Variants in RASSF2 observed in about 807,000 individuals in gnomAD.
RASSF2 encodes ras association domain-containing protein 2.
RASSF2 carries 34 observed loss-of-function variants against 46.3 expected under a neutral mutation model. The ratio of observed to expected loss-of-function variants is 0.73; its 90% CI spans 0.56 to 0.98. RASSF2 has a LOEUF of 0.98. RASSF2 is among the 50% of genes least tolerant of loss of function. RASSF2 has a pLI of 0.00. For synonymous variants in RASSF2, 158 were observed against 162.5 expected, an observed-to-expected ratio of 0.97 and a Z score of 0.21; for missense variants, 364 against 431.2, an observed-to-expected ratio of 0.84 and a Z score of 1.38.
intron 6 of RASSF2, among the ~76,000 whole-genome samples, chr20:4,791,734 C>A (rs566783452): frequency 6.6e-6 from 1 of 152,336 alleles, no homozygotes; most frequent in African/African-American, 2.4e-5. Context: ...AGGCCGCCGA[C>A]TGCAAACTCG....
intron 2 of RASSF2, among the ~76,000 whole-genome samples, chr20:4,811,343 C>T (rs929651054): frequency 3.7e-5 from 5 of 133,668 alleles, no homozygotes; most frequent in African/African-American, 1.3e-4. Context: ...GGAGTGAATC[C>T]CCTTCTTTAA....
At chr20:4,813,746 T>C (rs1928046581) in intron 2 of RASSF2, among the ~76,000 whole-genome samples, 1 of 151,890 alleles carries the variant, frequency 6.6e-6, no homozygotes, top group African/African-American at 2.4e-5. Context: ...GGTGTGAGCA[T>C]AGCTCCCGGT....
intron 2 of RASSF2, among the ~76,000 whole-genome samples, chr20:4,819,854 G>T (rs114319360): frequency 1.3e-5 from 2 of 152,112 alleles, no homozygotes; most frequent in African/African-American, 4.8e-5. Flanking sequence ...AACAGGAAAG[G>T]GCCTTGGAAG....
rs1431705250 is a variant in RASSF2 at position 4,780,319 on chromosome 20, G to A, written c.*3954C>T. The A allele has an allele frequency of 2.6e-5, 4 of 152,172 alleles. No individual in the cohort carries two copies. Among genetic ancestry groups the A allele is most frequent in the Non-Finnish European group, 4.4e-5 (3 of 68,030 alleles). The allele number at this position is 152,172 out of a possible 1,614,324, so 9.4% of individuals were successfully genotyped here. A position where few individuals can be genotyped will look rare whatever the true frequency, so the allele number is the denominator to read the frequency against. ...CTGGAAACAGGTCTGCGATCTGCAG[G>A]GAAGACTCCAAAGGTAAACTGAGGG... On this transcript the variant is annotated 3_prime_UTR_variant, in exon 12 of 12. Coordinates refer to ENST00000379400, the MANE Select transcript of RASSF2 (RefSeq NM_014737.3).
Position 4,795,978 on chromosome 20 carries a change from G to A in RASSF2, c.136-12C>T. On this transcript the variant is annotated splice_polypyrimidine_tract_variant and intron_variant, in intron 4 of 11. Transcript: ENST00000379400. This position sits in a 1 kb window ranked among gnomAD's most constrained non-coding sequence, Gnocchi z 4.0. Reference sequence around the variant, plus strand: ...AACTCGTCTTCTTCCTGCCCACAAAGCAATCAGAGTAGTGAGCCTAGAAAA... The same window carrying A: ...AACTCGTCTTCTTCCTGCCCACAAAACAATCAGAGTAGTGAGCCTAGAAAA... 1.3e-6 allele frequency: 2 copies of A among 1,506,784 alleles called. No individual in the cohort carries two copies. Among genetic ancestry groups the A allele is most frequent in the Non-Finnish European group, 1.8e-6 (2 of 1,121,658 alleles). The allele number at this position is 1,506,784 out of a possible 1,614,324, so 93.3% of individuals were successfully genotyped here. A position where few individuals can be genotyped will look rare whatever the true frequency, so the allele number is the denominator to read the frequency against.
intron 11 of RASSF2, 138 bp from the exon 12 acceptor site, chr20:4,784,480 C>G (rs1452601848): frequency 1.0e-5 from 7 of 684,006 alleles, no homozygotes; most frequent in Non-Finnish European, 1.8e-5. Flanking sequence ...GCTTCCATTA[C>G]TGACCCCTCT....
In RASSF2 at chr20:4,787,845, T is replaced by G. The variant is rs2122435123; in HGVS notation, c.692-91A>C. 6.0e-6 allele frequency: 9 copies of G among 1,511,634 alleles called. No homozygotes were observed. The South Asian group carries it at 9.1e-5, about 15-fold the overall frequency. The allele number at this position is 1,511,634 out of a possible 1,614,324, so 93.6% of individuals were successfully genotyped here. On this transcript the variant is annotated intron_variant, in intron 9 of 11. Transcript: ENST00000379400. ...AGGGGTCCAAAGGCACCTTAGGAGA[T>G]GCCGCCATATACGTCAGGAGACTGA...
intron 2 of RASSF2, among the ~76,000 whole-genome samples, chr20:4,803,952 G>A (rs550706028): frequency 6.6e-6 from 1 of 151,996 alleles, no homozygotes; most frequent in South Asian, 2.1e-4. Flanking sequence ...CAGCTACTAG[G>A]CAGGCTGAGG....
intron 2 of RASSF2, among the ~76,000 whole-genome samples, chr20:4,813,194 C>T (rs1284976350): frequency 6.6e-6 from 1 of 152,182 alleles, no homozygotes; most frequent in African/African-American, 2.4e-5. Flanking sequence ...ACAGGCACAG[C>T]CCCTTCCTGG....
chr20:4,784,872 G>C (rs1311123404), intron 11 of RASSF2, among the ~76,000 whole-genome samples: 1 of 152,308 alleles, frequency 6.6e-6, no homozygotes, highest in East Asian at 1.9e-4. Context: ...GAGGTCCGTG[G>C]CTTGGGGGGA....
At position 4,812,783 on chromosome 20, in the gene RASSF2, A is replaced by G. The variant is rs967823986; in HGVS notation, c.-33+9546T>C. On this transcript the variant is annotated intron_variant, in intron 2 of 11. Coordinates refer to ENST00000379400, the MANE Select transcript of RASSF2 (RefSeq NM_014737.3). This position sits in a 1 kb window ranked among gnomAD's most constrained non-coding sequence, Gnocchi z 4.0. ...GAGGAAACAGAAGGTCTCAGAGGTT[A>G]GGTGGCTTGTCCCAGGTGGCACAGC... 2.0e-5 allele frequency among the ~76,000 whole-genome samples: 3 copies of G among 152,220 alleles called. No individual in the cohort carries two copies. Among genetic ancestry groups the G allele is most frequent in the African/African-American group, 7.2e-5 (3 of 41,468 alleles).
At chr20:4,798,107 G>T in intron 3 of RASSF2, 22 bp from the exon 4 acceptor site, 2 of 1,612,980 alleles carry the variant, frequency 1.2e-6, no homozygotes, top group Non-Finnish European at 1.7e-6. Context: ...AAATAGAAGA[G>T]ATATAACATT....
intron 3 of RASSF2, among the ~76,000 whole-genome samples, chr20:4,799,818 T>A (rs1031199538): frequency 6.6e-6 from 1 of 152,190 alleles, no homozygotes; most frequent in Non-Finnish European, 1.5e-5. Flanking sequence ...TTCGTTAAGA[T>A]AGAGAAATCC....
chr20:4,810,298 G>C (rs778013470), intron 2 of RASSF2, among the ~76,000 whole-genome samples: 5 of 152,180 alleles, frequency 3.3e-5, no homozygotes, highest in African/African-American at 1.2e-4. Flanking sequence ...CCCACAGGAG[G>C]CCTCTCCAAG....
In RASSF2 at chr20:4,787,767, A is replaced by G; in HGVS notation, c.692-13T>C. On this transcript the variant is annotated splice_polypyrimidine_tract_variant and intron_variant, in intron 9 of 11. Transcript: ENST00000379400. ...AGCTTCTGTTTCTCTGCAACCACAC[A>G]CACCCAGGAGCAGCCCTGAGAGGCC... The G allele has an allele frequency of 6.2e-7, 1 of 1,614,088 alleles. No homozygotes were observed. Among genetic ancestry groups the G allele is most frequent in the Non-Finnish European group, 8.5e-7 (1 of 1,180,004 alleles).
At chr20:4,807,756 T>C (rs969199332) in intron 2 of RASSF2, among the ~76,000 whole-genome samples, 1 of 152,248 alleles carries the variant, frequency 6.6e-6, no homozygotes, top group Non-Finnish European at 1.5e-5. Context: ...CCCACCTTTT[T>C]TCTTACTTTG....
At chr20:4,796,743 C>T (rs1221108293) in intron 4 of RASSF2, among the ~76,000 whole-genome samples, 1 of 152,212 alleles carries the variant, frequency 6.6e-6, no homozygotes, top group East Asian at 1.9e-4. Flanking sequence ...ATCCTTTAAT[C>T]ATGAAGCACT....
At chr20:4,817,664 AC>A (rs1928411419) in intron 2 of RASSF2, among the ~76,000 whole-genome samples, 1 of 152,050 alleles carries the variant, frequency 6.6e-6, no homozygotes, top group African/African-American at 2.4e-5. Context: ...CTGGAGACAC[AC>A]CATGCCGGAG....
At chr20:4,792,899 A>C (rs1926026763) in intron 5 of RASSF2, 2 of 521,372 alleles carry the variant, frequency 3.8e-6, no homozygotes, top group Non-Finnish European at 6.6e-6. Context: ...TAACACACCC[A>C]ACCAATTCAT....
Sources: allele counts gnomAD v4.1 joint callset (sites outside exome capture counted in the v4.1 genomes callset), GRCh38; gene constraint gnomAD v4.1.1; non-coding constraint Gnocchi (gnomAD v3.1); transcripts MANE v1.5; gene names NCBI Gene and HGNC (gene_info 2026-07-23, HGNC 2026-07-21).